The following GOLGA1 variants were observed in gnomAD, a reference collection of about 807,000 sequenced individuals.
GOLGA1 encodes the protein golgin subfamily A member 1.
GOLGA1 carries 63 observed loss-of-function variants against 119.7 expected under a neutral mutation model. That is an observed-to-expected ratio of 0.53 (90% CI 0.43 to 0.65). The LOEUF (loss-of-function observed/expected upper bound fraction) is 0.65. Ranked by LOEUF, GOLGA1 falls within the 30% of genes least tolerant of loss-of-function variation. GOLGA1 has a pLI of 0.00. For missense variants in GOLGA1, 798 were observed against 912.8 expected (o/e 0.87, Z 1.62); for synonymous variants, 318 against 333.4 (o/e 0.95, Z 0.50).
intron 10 of GOLGA1, 151 bp from the exon 11 acceptor site, chr9:124,912,177 C>T (rs1214072673): frequency 1.4e-6 from 1 of 699,900 alleles, no homozygotes; most frequent in Admixed American, 2.8e-5. Context: ...AAATGGGATA[C>T]AGAAAATGCA....
intron 4 of GOLGA1, among the ~76,000 whole-genome samples, chr9:124,930,522 A>G (rs1275417345): frequency 6.6e-6 from 1 of 152,202 alleles, no homozygotes; most frequent in African/African-American, 2.4e-5. Context: ...CATAAATACA[A>G]ATACTTCACA....
intron 12 of GOLGA1, among the ~76,000 whole-genome samples, chr9:124,900,946 C>G (rs1182943207): frequency 1.3e-5 from 2 of 151,550 alleles, no homozygotes; most frequent in East Asian, 3.9e-4. Context: ...TAAAAGAATG[C>G]AGCAATTAAC....
rs763302018 is a variant in GOLGA1 at position 124,888,326 on chromosome 9, A to G, written c.1832T>C (p.Val611Ala). The change falls in exon 19 of 23, where the codon GTT becomes GCT. Residue 611 changes from valine (V) to alanine (A), a missense_variant. Physicochemically the swap from Val to Ala is moderately conservative, Grantham distance 64. Transcript: ENST00000373555. This position sits in a 1 kb window ranked among gnomAD's most constrained non-coding sequence, Gnocchi z 4.4. ...PTAGRTPNGE[V>A]GAMDLTQLQK... ...TAGCTGTGTGAGATCCATGGCCCCA[A>G]CCTCACCATTTGGTGTTCTTCCTGC... 3.1e-6 allele frequency: 5 copies of G among 1,613,840 alleles called. No homozygotes were observed. The highest frequency in any genetic ancestry group is 4.2e-6 in the Non-Finnish European group (5 of 1,179,774).
At chr9:124,904,600 G>A (rs559126183) in intron 12 of GOLGA1, among the ~76,000 whole-genome samples, 2 of 152,292 alleles carry the variant, frequency 1.3e-5, no homozygotes, top group South Asian at 4.1e-4. Context: ...CTTGAGGTCA[G>A]GAGTTTGAGA....
chr9:124,887,286 G>C (rs897121265), intron 19 of GOLGA1: 1 of 152,390 alleles, frequency 6.6e-6, no homozygotes, highest in African/African-American at 2.4e-5. Flanking sequence ...GGTGACACTA[G>C]GGAAAAAAGC....
At chr9:124,908,334 G>A (rs1830272107) in intron 12 of GOLGA1, 43 bp downstream of exon 12, 1 of 1,037,946 alleles carries the variant, frequency 9.6e-7, no homozygotes, top group African/African-American at 1.6e-5. Flanking sequence ...ATTCAGCCAG[G>A]TTACCACCCA....
intron 19 of GOLGA1, among the ~76,000 whole-genome samples, chr9:124,885,484 CAAAAAA>C (rs34466889): frequency 2.0e-5 from 2 of 97,914 alleles, no homozygotes. Context: ...GACTCTGTCT[CAAAAAA>C]AAAAAAAAAA....
intron 5 of GOLGA1, among the ~76,000 whole-genome samples, chr9:124,928,636 C>T (rs1201436554): frequency 2.0e-5 from 3 of 152,270 alleles, no homozygotes; most frequent in Non-Finnish European, 2.9e-5. Context: ...GCTACTACCA[C>T]TTTATCAGAA....
In GOLGA1 at chr9:124,921,201, C is replaced by T. The variant is rs1319231661; in HGVS notation, c.771G>A (p.Lys257=). The T allele has an allele frequency of 6.2e-7, 1 of 1,612,926 alleles. No individual in the cohort carries two copies. Among genetic ancestry groups the T allele is most frequent in the African/African-American group, 1.3e-5 (1 of 74,878 alleles). ...GTTCCTTTTGTTCCAGGGCTGTGATCTTACTTTCTGCACCTGTTTTTGAAG... is the reference window on the plus strand; with the variant it reads ...GTTCCTTTTGTTCCAGGGCTGTGATTTTACTTTCTGCACCTGTTTTTGAAG... ...VIASKTGAES[K]ITALEQKEQE... The change falls in exon 10 of 23, where the codon AAG becomes AAA. Residue 257 remains lysine (K), a synonymous_variant. Transcript: ENST00000373555.
At position 124,898,453 on chromosome 9, in the gene GOLGA1, C is replaced by T. The variant is rs1267494551; in HGVS notation, c.1407+96G>A. 4 of 741,080 alleles carry T rather than the reference C, an allele frequency of 5.4e-6. No individual in the cohort carries two copies. In the East Asian group the frequency reaches 7.6e-5, roughly 14 times the overall value. The allele number at this position is 741,080 out of a possible 1,614,324, so 45.9% of individuals were successfully genotyped here. ...CTATTGAACAAATGCTAATTCTCCT[C>T]CTCCTGTACTGTAAGTATGAGAAGT... On this transcript the variant is annotated intron_variant, in intron 15 of 22. Transcript: ENST00000373555.
chr9:124,921,710 A>C lies in GOLGA1; in HGVS notation c.731+13T>G. The stretch of plus-strand genomic sequence containing the variant: ...ACACCTCTTCCCAAGGGCCCCACAG[A>C]CCAAGCAAGAACCTCTGCTCTTCCA... On this transcript the variant is annotated intron_variant, in intron 9 of 22. Transcript: ENST00000373555. 1 of 1,608,000 alleles carries C rather than the reference A, an allele frequency of 6.2e-7. No individual in the cohort carries two copies. Among genetic ancestry groups the C allele is most frequent in the Non-Finnish European group, 8.5e-7 (1 of 1,176,064 alleles).
At chr9:124,900,133 C>T in intron 13 of GOLGA1, 1 of 248,934 alleles carries the variant, frequency 4.0e-6, no homozygotes, top group Non-Finnish European at 7.8e-6. Context: ...ACTTGTTCTC[C>T]CCGCCCCTGA....
At position 124,881,766 on chromosome 9, in the gene GOLGA1, A is replaced by G; in HGVS notation, c.2136+18T>C. ...GGCGGGGCCTCAATACCCAAAAGAC[A>G]CCTCAAAAGCCCTTTACCTCGGATT... On this transcript the variant is annotated intron_variant, in intron 21 of 22. Coordinates refer to ENST00000373555, the MANE Select transcript of GOLGA1 (RefSeq NM_002077.4). This position sits in a 1 kb window ranked among gnomAD's most constrained non-coding sequence, Gnocchi z 4.9. The G allele has an allele frequency of 6.3e-7, 1 of 1,582,696 alleles. No individual in the cohort carries two copies. Among genetic ancestry groups the G allele is most frequent in the Non-Finnish European group, 8.6e-7 (1 of 1,159,344 alleles).
intron 15 of GOLGA1, among the ~76,000 whole-genome samples, chr9:124,890,819 C>A (rs547208564): frequency 6.6e-6 from 1 of 152,094 alleles, no homozygotes; most frequent in Non-Finnish European, 1.5e-5. Flanking sequence ...TCGCAGGCCA[C>A]GTGAATGGAG....
At chr9:124,913,248 G>A (rs1830374424) in intron 10 of GOLGA1, among the ~76,000 whole-genome samples, 2 of 152,120 alleles carry the variant, frequency 1.3e-5, no homozygotes, top group South Asian at 4.1e-4. Flanking sequence ...TGACATGTGG[G>A]CATTACAATT....
Position 124,882,499 on chromosome 9 carries a change from C to A in GOLGA1, c.1965+11G>T. On this transcript the variant is annotated intron_variant, in intron 20 of 22. Coordinates refer to ENST00000373555, the MANE Select transcript of GOLGA1 (RefSeq NM_002077.4). Reference sequence around the variant, plus strand: ...CTGGGAAGTGGGGCCAGCTCCCATGCGAGTACTCACCAGCTCCTTCTGCAG... The same window carrying A: ...CTGGGAAGTGGGGCCAGCTCCCATGAGAGTACTCACCAGCTCCTTCTGCAG... 6.2e-7 allele frequency: 1 copy of A among 1,603,586 alleles called. No individual in the cohort carries two copies. Among genetic ancestry groups the A allele is most frequent in the Non-Finnish European group, 8.5e-7 (1 of 1,171,942 alleles).
At chr9:124,913,943 A>G (rs980180309) in intron 10 of GOLGA1, among the ~76,000 whole-genome samples, 12 of 152,328 alleles carry the variant, frequency 7.9e-5, no homozygotes, top group Non-Finnish European at 1.3e-4. Flanking sequence ...CAAGTCCTGC[A>G]AGGCTAGAGG....
rs79243107 is a variant in GOLGA1 at position 124,936,410 on chromosome 9, A to T, written c.135+2167T>A. Among the ~76,000 whole-genome samples, 1,494 of 152,228 alleles carry T rather than the reference A, an allele frequency of 9.8e-3. 22 individuals carry two copies. The highest frequency in any genetic ancestry group is 0.034 in the African/African-American group (1,424 of 41,526). On this transcript the variant is annotated intron_variant, in intron 3 of 22. Transcript: ENST00000373555. Reference sequence around the variant, plus strand: ...TATCGCCAGGAGAAGACAGACATTAAATGTGGCCTTTTCAAATGCTGGGAT... The same window carrying T: ...TATCGCCAGGAGAAGACAGACATTATATGTGGCCTTTTCAAATGCTGGGAT...
upstream of GOLGA1, chr9:124,942,806 C>G (rs1044735989): frequency 6.6e-6 from 1 of 152,146 alleles, no homozygotes; most frequent in Non-Finnish European, 1.5e-5. Flanking sequence ...CAATAAACAT[C>G]AAAACAACGT....
Sources: allele counts gnomAD v4.1 joint callset (sites outside exome capture counted in the v4.1 genomes callset), GRCh38; gene constraint gnomAD v4.1.1; non-coding constraint Gnocchi (gnomAD v3.1); transcripts MANE v1.5; gene names NCBI Gene and HGNC (gene_info 2026-07-23, HGNC 2026-07-21).